The following MRO variants were observed in gnomAD, a reference collection of about 807,000 sequenced individuals.
MRO encodes protein maestro.
MRO carries 28 observed loss-of-function variants against 31.0 expected under a neutral mutation model. The observed-to-expected ratio is 0.90, with a 90% CI of 0.67 to 1.24. The LOEUF is 1.24. MRO is among the 50% of genes most tolerant of loss of function. MRO has a pLI of 0.00. For synonymous variants in MRO, 108 were observed against 108.4 expected, an observed-to-expected ratio of 1.00 and a Z score of 0.02; for missense variants, 332 against 289.2, an observed-to-expected ratio of 1.15 and a Z score of -1.07.
chr18:50,809,009 G>C (rs1028384650), intron 3 of MRO, among the ~76,000 whole-genome samples: 3 of 150,534 alleles, frequency 2.0e-5, no homozygotes, highest in Middle Eastern at 3.2e-3. Context: ...GTAGTGGCGG[G>C]CGCCTGTAGT....
Position 50,806,561 on chromosome 18 carries a change from G to A in MRO, c.246+143C>T, listed in dbSNP as rs953268163. 16 of 1,002,510 alleles carry A rather than the reference G, an allele frequency of 1.6e-5. No individual in the cohort carries two copies. In the African/African-American group the frequency reaches 2.4e-4, roughly 15 times the overall value. The allele number at this position is 1,002,510 out of a possible 1,614,324, so 62.1% of individuals were successfully genotyped here. On this transcript the variant is annotated intron_variant, in intron 4 of 7. Coordinates refer to ENST00000398439, the MANE Select transcript of MRO (RefSeq NM_031939.6). Reference sequence around the variant, plus strand: ...CCCGAGATAATCAACACGTGTTGCTGTAAGCTGCTAAGTGTGCGGTGGTTT... The same window carrying A: ...CCCGAGATAATCAACACGTGTTGCTATAAGCTGCTAAGTGTGCGGTGGTTT...
At chr18:50,802,916 A>AGTGTGTGTGTGTGTGTGTAGTGT (rs1555667875) in intron 5 of MRO, among the ~76,000 whole-genome samples, 2 of 144,716 alleles carry the variant, frequency 1.4e-5, no homozygotes, top group African/African-American at 5.4e-5. Context: ...GTGTGTGTGT[A>AGTGTGTGTGTGTGTGTGTAGTGT]GTGTGTGTGT....
chr18:50,812,907 T>A (rs1403846726), intron 2 of MRO, among the ~76,000 whole-genome samples: 2 of 152,160 alleles, frequency 1.3e-5, no homozygotes, highest in African/African-American at 2.4e-5. Context: ...GCCCACCAAG[T>A]AATTCCAGCA....
rs1191169024 is a variant in MRO, at chr18:50,800,143, C to A, written c.586G>T (p.Ala196Ser). 6.3e-7 allele frequency: 1 copy of A among 1,596,900 alleles called. No homozygotes were observed. Among genetic ancestry groups the A allele is most frequent in the Non-Finnish European group, 8.6e-7 (1 of 1,166,856 alleles). Residue 196 changes from alanine to serine, a missense_variant and splice_region_variant, in exon 7 of 8, where the codon GCT becomes TCT. Coordinates refer to ENST00000398439, the MANE Select transcript of MRO (RefSeq NM_031939.6). Reference sequence around the variant, plus strand: ...CAGGCTTGAAATGTTGTTTTGCAAGCCTGAGAAAAATAATATTACTATTTT... The same window carrying A: ...CAGGCTTGAAATGTTGTTTTGCAAGACTGAGAAAAATAATATTACTATTTT... ...LQDRNPQVAK[A>S]CKTTFQACSP... is the part of the protein sequence containing the mutation.
chr18:50,822,475 C>T (rs111492937), upstream of MRO, among the ~76,000 whole-genome samples: 17,943 of 152,096 alleles, frequency 0.12, 1,121 homozygotes, highest in South Asian at 0.15. Flanking sequence ...AGTAGCGGGA[C>T]TACAGGCGCC....
intron 2 of MRO, among the ~76,000 whole-genome samples, chr18:50,811,413 T>A (rs1386999959): frequency 1.3e-5 from 2 of 152,218 alleles, no homozygotes. Context: ...CTCTATGGAT[T>A]TACCTATTCT....
intron 2 of MRO, among the ~76,000 whole-genome samples, chr18:50,818,155 G>C (rs1915094623): frequency 1.3e-5 from 2 of 152,124 alleles, no homozygotes; most frequent in South Asian, 4.1e-4. Flanking sequence ...AATGAACGTA[G>C]TATACAGATT....
intron 4 of MRO, among the ~76,000 whole-genome samples, chr18:50,806,224 T>C (rs1341472978): frequency 6.6e-6 from 1 of 152,112 alleles, no homozygotes; most frequent in African/African-American, 2.4e-5. Context: ...CGTGAACCAC[T>C]ACGGCCCAGC....
upstream of MRO, among the ~76,000 whole-genome samples, chr18:50,823,257 TC>T (rs1915375309): frequency 6.6e-6 from 1 of 151,902 alleles, no homozygotes; most frequent in Admixed American, 6.6e-5. Flanking sequence ...TCCTCCCACT[TC>T]TCTACCTATG....
At chr18:50,804,057 A>G (rs1233123147) in intron 5 of MRO, among the ~76,000 whole-genome samples, 2 of 150,852 alleles carry the variant, frequency 1.3e-5, no homozygotes, top group East Asian at 1.9e-4. Flanking sequence ...TGGCATGTCC[A>G]CTTCCTGGCT....
chr18:50,817,004 C>G (rs1450454521), intron 2 of MRO, among the ~76,000 whole-genome samples: 1 of 152,176 alleles, frequency 6.6e-6, no homozygotes, highest in African/African-American at 2.4e-5. Flanking sequence ...CCAGCCAAGG[C>G]AACTTCCCCA....
rs1912989026 is a variant in MRO, at chr18:50,798,633, G to A, written c.*704C>T. ...AAGTATTAAATAGAACTTACAAAAA[G>A]CACTTTGACCGTGCCCACTGAATTG... On this transcript the variant is annotated 3_prime_UTR_variant, in exon 8 of 8. Coordinates refer to ENST00000398439, the MANE Select transcript of MRO (RefSeq NM_031939.6). The A allele has an allele frequency of 6.6e-6, 1 of 152,108 alleles. No homozygotes were observed. 9.4% of individuals were successfully genotyped at this position (152,108 alleles called of 1,614,324 possible).
chr18:50,806,504 T>C (rs1913945771), intron 4 of MRO, among the ~76,000 whole-genome samples, 200 bp downstream of exon 4: 1 of 152,208 alleles, frequency 6.6e-6, no homozygotes, highest in South Asian at 2.1e-4. Context: ...ATGACCCAGC[T>C]GAGCTGCACC....
chr18:50,810,410 C>T (rs1404151952), intron 2 of MRO, among the ~76,000 whole-genome samples: 1 of 152,156 alleles, frequency 6.6e-6, no homozygotes, highest in African/African-American at 2.4e-5. Flanking sequence ...CAGTATGTTA[C>T]TACTCGTGTA....
intron 7 of MRO, among the ~76,000 whole-genome samples, 156 bp downstream of exon 7, chr18:50,799,880 G>C (rs1913124366): frequency 6.6e-6 from 1 of 152,108 alleles, no homozygotes; most frequent in African/African-American, 2.4e-5. Context: ...CACTGCACTT[G>C]CTCTTCTCAG....
chr18:50,808,498 G>A (rs942909384), intron 3 of MRO, among the ~76,000 whole-genome samples: 14 of 141,644 alleles, frequency 9.9e-5, no homozygotes, highest in Admixed American at 2.2e-4. Context: ...TCGCTCTGTC[G>A]CCCAGGCTGC....
At position 50,796,835 on chromosome 18, in the gene MRO, A is replaced by T. The variant is rs1213651666; in HGVS notation, c.*2502T>A. On this transcript the variant is annotated 3_prime_UTR_variant, in exon 8 of 8. Transcript: ENST00000398439. ...TTTAGTCATTCAGCAAATGTTCCTT[A>T]ATCACATGGCCAGGCTCTGTGGTAG... 3.3e-5 allele frequency: 5 copies of T among 152,226 alleles called. No homozygotes were observed. The highest frequency in any genetic ancestry group is 1.5e-5 in the Non-Finnish European group (1 of 68,044). The allele number at this position is 152,226 out of a possible 1,614,324, so 9.4% of individuals were successfully genotyped here. A position where few individuals can be genotyped will look rare whatever the true frequency, so the allele number is the denominator to read the frequency against.
At chr18:50,820,066 C>T, upstream of MRO, 1 of 1,078,344 alleles carries the variant, frequency 9.3e-7, no homozygotes, top group Non-Finnish European at 1.4e-6. Context: ...AGGCCCGTTC[C>T]CCATGCGGCC....
chr18:50,822,930 G>T (rs1396413251), upstream of MRO, among the ~76,000 whole-genome samples: 4 of 152,070 alleles, frequency 2.6e-5, no homozygotes, highest in African/African-American at 9.7e-5. Context: ...ACTTGGGACT[G>T]GGGCTTACGT....
Sources: gnomAD v4.1 joint callset for allele counts (sites outside exome capture counted in the v4.1 genomes callset) on GRCh38, gnomAD v4.1.1 for gene constraint, MANE v1.5 for transcripts, NCBI Gene and HGNC (gene_info 2026-07-23, HGNC 2026-07-21) for gene names.